The following CIZ1 variants were observed in gnomAD, a reference collection of about 807,000 sequenced individuals.
CIZ1 encodes cip1-interacting zinc finger protein.
A neutral mutation model predicts 118.6 loss-of-function variants in CIZ1; 58 were observed. The ratio of observed to expected loss-of-function variants is 0.49; its 90% CI spans 0.40 to 0.61. The LOEUF is 0.61. Among genes scored for constraint, CIZ1 ranks in the 20% least tolerant of loss-of-function variants. CIZ1 has a pLI of 0.00. For missense variants in CIZ1, 921 were observed against 1,115.9 expected, an observed-to-expected ratio of 0.83 and a Z score of 2.49; for synonymous variants, 448 against 443.4, an observed-to-expected ratio of 1.01 and a Z score of -0.13.
intron 3 of CIZ1, among the ~76,000 whole-genome samples, chr9:128,189,393 G>C (rs1832848821): frequency 6.6e-6 from 1 of 152,212 alleles, no homozygotes; most frequent in African/African-American, 2.4e-5. Context: ...GGTCCACAGA[G>C]TGACAACCAT....
chr9:128,185,705 T>C lies in CIZ1; in HGVS notation c.430A>G (p.Thr144Ala), dbSNP rs1832274246. ...GGAAAGAACTGTTGCAAATTTGGAG[T>C]GGCCAGTTGTGGGGGTGTGAGGCTG... The part of the protein sequence containing the change: ...APSLTPPQLA[T>A]PNLQQFFPQA... The change falls in exon 5 of 17, where the codon ACT becomes GCT. Residue 144 changes from threonine (T) to alanine (A), a missense_variant. By Grantham distance (58) the Thr-to-Ala change is moderately conservative (BLOSUM62 0). Transcript: ENST00000372938. 2 of 1,608,546 alleles carry C rather than the reference T, an allele frequency of 1.2e-6. No individual in the cohort carries two copies. Among genetic ancestry groups the C allele is most frequent in the East Asian group, 2.2e-5 (1 of 44,656 alleles).
At chr9:128,189,746 G>A (rs761235505) in intron 3 of CIZ1, among the ~76,000 whole-genome samples, 1 of 146,392 alleles carries the variant, frequency 6.8e-6, no homozygotes, top group Non-Finnish European at 1.5e-5. Flanking sequence ...CTTGGACCCG[G>A]GAACCGGAGG....
At chr9:128,176,873 C>T (rs1830922009) in intron 10 of CIZ1, among the ~76,000 whole-genome samples, 1 of 152,130 alleles carries the variant, frequency 6.6e-6, no homozygotes, top group Admixed American at 6.6e-5. Flanking sequence ...TGCTGAATCC[C>T]CAGAACCACC....
chr9:128,167,656 A>G (rs1052440146), intron 14 of CIZ1: 1 of 161,818 alleles, frequency 6.2e-6, no homozygotes, highest in Admixed American at 5.8e-5. Flanking sequence ...GTCCTATCCA[A>G]TACTGCAGTG....
intron 11 of CIZ1, 74 bp from the exon 12 acceptor site, chr9:128,170,181 T>G: frequency 7.8e-7 from 1 of 1,287,960 alleles, no homozygotes; most frequent in Non-Finnish European, 1.1e-6. Context: ...GCTCCATAAG[T>G]GTAATCCATT....
intron 3 of CIZ1, 141 bp downstream of exon 3, chr9:128,190,188 C>G (rs957997107): frequency 1.9e-5 from 12 of 639,876 alleles, no homozygotes; most frequent in Non-Finnish European, 3.4e-5. Context: ...CCTCCTGGAG[C>G]CTTAGTGTCC....
chr9:128,190,822 T>TTGCTGGAGCTGCTGCTGCTGC lies in CIZ1; in HGVS notation c.15_35dup (p.Gln13_Gln19dup), dbSNP rs1564301572. Reference sequence around the variant, plus strand: ...GTAACTGCTGGAGCTGCTGCTGCTGTTGCTGGAGCTGCTGCTGCTGCTGCT... The same window carrying TTGCTGGAGCTGCTGCTGCTGC: ...GTAACTGCTGGAGCTGCTGCTGCTGTTGCTGGAGCTGCTGCTGCTGCTGCTGGAGCTGCTGCTGCTGCTGCT... On this transcript the variant is annotated inframe_insertion, in exon 2 of 17. Transcript: ENST00000372938. 6.5e-7 allele frequency: 1 copy of TTGCTGGAGCTGCTGCTGCTGC among 1,537,620 alleles called. No homozygotes were observed. The highest frequency in any genetic ancestry group is 8.8e-7 in the Non-Finnish European group (1 of 1,142,238).
At chr9:128,174,169 C>T (rs76164366) in intron 11 of CIZ1, among the ~76,000 whole-genome samples, 258 of 152,314 alleles carry the variant, frequency 1.7e-3, no homozygotes, top group Non-Finnish European at 3.1e-3. Context: ...CTGGGAACAC[C>T]CCCCTGCCTT....
intron 14 of CIZ1, chr9:128,168,726 G>GTGTAGA: frequency 3.1e-6 from 1 of 319,178 alleles, no homozygotes; most frequent in Admixed American, 4.5e-5. Context: ...GCTGCTGTCA[G>GTGTAGA]TCTCTCCATT....
intron 4 of CIZ1, among the ~76,000 whole-genome samples, chr9:128,186,124 C>T (rs1832338145): frequency 6.6e-6 from 1 of 152,032 alleles, no homozygotes; most frequent in Admixed American, 6.6e-5. Flanking sequence ...GAGGGCTGGT[C>T]CCTGGGATAA....
At position 128,166,547 on chromosome 9, in the gene CIZ1, C is replaced by G. The variant is rs999290213; in HGVS notation, c.2488-141G>C. ...CGTGATGCACTCGGCCTCTCTGGGC[C>G]GTCTCTGGAGCTAACAGCCTGGCAC... On this transcript the variant is annotated intron_variant, in intron 16 of 16. Transcript: ENST00000372938. This position sits in a 1 kb window ranked among gnomAD's most constrained non-coding sequence, Gnocchi z 4.4. 1.2e-5 allele frequency: 11 copies of G among 942,376 alleles called. No individual in the cohort carries two copies. The African/African-American group carries it at 1.8e-4, about 16-fold the overall frequency. The allele number at this position is 942,376 out of a possible 1,614,324, so 58.4% of individuals were successfully genotyped here.
chr9:128,186,555 A>G (rs1832399329), intron 4 of CIZ1, among the ~76,000 whole-genome samples: 1 of 152,202 alleles, frequency 6.6e-6, no homozygotes, highest in South Asian at 2.1e-4. Flanking sequence ...GATGGCAGCA[A>G]ACAGCGATCT....
chr9:128,172,524 C>A (rs1415379260), intron 11 of CIZ1, among the ~76,000 whole-genome samples: 1 of 152,038 alleles, frequency 6.6e-6, no homozygotes, highest in East Asian at 1.9e-4. Context: ...TCTCACTCAG[C>A]GAAAATAAGG....
intron 4 of CIZ1, 63 bp downstream of exon 4, chr9:128,187,800 T>C: frequency 2.3e-6 from 1 of 430,976 alleles, no homozygotes; most frequent in Non-Finnish European, 4.3e-6. Flanking sequence ...AGCTTCTTTT[T>C]GCCAACCAAC....
intron 11 of CIZ1, 104 bp downstream of exon 11, chr9:128,176,247 T>G (rs1588156900): frequency 7.0e-7 from 1 of 1,422,380 alleles, no homozygotes; most frequent in East Asian, 2.3e-5. Flanking sequence ...TGGCTGGGGG[T>G]GCAGTGCTTA....
At chr9:128,198,006 A>C (rs1214956299) in intron 1 of CIZ1, 1 of 152,288 alleles carries the variant, frequency 6.6e-6, no homozygotes, top group Non-Finnish European at 1.5e-5. Flanking sequence ...GTCTGGCTTC[A>C]GACCTAACCA....
At chr9:128,167,303 C>G (rs1829555727) in intron 14 of CIZ1, 139 bp from the exon 15 acceptor site, 2 of 644,480 alleles carry the variant, frequency 3.1e-6, no homozygotes, top group African/African-American at 3.7e-5. Context: ...GTGGCATTCT[C>G]TGAGCCTTTG....
At position 128,178,397 on chromosome 9, in the gene CIZ1, C is replaced by T. The variant is rs1230458979; in HGVS notation, c.1592G>A (p.Cys531Tyr). The T allele has an allele frequency of 1.2e-6, 2 of 1,613,872 alleles. No homozygotes were observed. Among genetic ancestry groups the T allele is most frequent in the Non-Finnish European group, 8.5e-7 (1 of 1,179,936 alleles). ...ESACGLDVGECENRAREMPGV... is the reference protein window; with the variant it reads ...ESACGLDVGEYENRAREMPGV... ...TGGCATCTCTCTCGCTCTGTTTTCA[C>T]ATTCTCCCACATCTAGGCCACAGGC... Residue 531 changes from cysteine (C) to tyrosine (Y), a missense_variant, in exon 9 of 17, where the codon TGT (cysteine) becomes TAT (tyrosine). By Grantham distance (194) the Cys-to-Tyr change is radical. Coordinates refer to ENST00000372938, the MANE Select transcript of CIZ1 (RefSeq NM_001131016.2).
At chr9:128,174,035 A>C (rs1039634038) in intron 11 of CIZ1, among the ~76,000 whole-genome samples, 8 of 151,920 alleles carry the variant, frequency 5.3e-5, no homozygotes, top group South Asian at 2.1e-4. Flanking sequence ...AAAAAAAAAA[A>C]ACAAAGAAAT....
Sources: allele counts gnomAD v4.1 joint callset (sites outside exome capture counted in the v4.1 genomes callset), GRCh38; gene constraint gnomAD v4.1.1; non-coding constraint Gnocchi (gnomAD v3.1); transcripts MANE v1.5; gene names NCBI Gene and HGNC (gene_info 2026-07-23, HGNC 2026-07-21).